CNTNAP5: variants seen among roughly 807,000 people sequenced by gnomAD.
CNTNAP5 encodes the protein contactin-associated protein-like 5.
A neutral mutation model predicts 150.2 loss-of-function variants in CNTNAP5; 72 were observed. That is an observed-to-expected ratio of 0.48 (90% CI 0.40 to 0.58). CNTNAP5 has a LOEUF of 0.58. Among genes scored for constraint, CNTNAP5 ranks in the 20% least tolerant of loss-of-function variants. The probability of loss-of-function intolerance (pLI) is 0.00; values close to 1 mark genes in which losing one functional copy is unlikely to be tolerated. For synonymous variants in CNTNAP5, 672 were observed against 619.8 expected (o/e 1.08, Z -1.25); for missense variants, 1,636 against 1,626.2 (o/e 1.01, Z -0.10).
chr2:124,092,400 C>T (rs1488977527), intron 1 of CNTNAP5, among the ~76,000 whole-genome samples: 4 of 152,182 alleles, frequency 2.6e-5, no homozygotes, highest in Non-Finnish European at 5.9e-5. Flanking sequence ...TTTCCTCCTC[C>T]ACCTTTAAAA....
intron 6 of CNTNAP5, among the ~76,000 whole-genome samples, chr2:124,451,656 C>T (rs1219371861): frequency 6.6e-6 from 1 of 152,004 alleles, no homozygotes; most frequent in African/African-American, 2.4e-5. Context: ...ACACACAGAC[C>T]CTCCAAAAGA....
rs535364522 is a variant in CNTNAP5, at chr2:124,451,798, G to A, written c.918+4861G>A. ...AACACAAACCCCCACTGGGGAACCCGAAGGTCTAGATTACGGGAGAAGATT... is the reference window on the plus strand; with the variant it reads ...AACACAAACCCCCACTGGGGAACCCAAAGGTCTAGATTACGGGAGAAGATT... On this transcript the variant is annotated intron_variant, in intron 6 of 23. Coordinates refer to ENST00000682447, the MANE Select transcript of CNTNAP5 (RefSeq NM_001367498.1). Among the ~76,000 whole-genome samples, 12 of 152,236 alleles carry A rather than the reference G, an allele frequency of 7.9e-5. No individual in the cohort carries two copies. The South Asian group carries it at 8.3e-4, about 11-fold the overall frequency.
chr2:124,895,353 T>C (rs994176572), intron 21 of CNTNAP5, among the ~76,000 whole-genome samples: 2 of 151,506 alleles, frequency 1.3e-5, no homozygotes, highest in African/African-American at 4.9e-5. Context: ...ACACCAGGTA[T>C]GGTGGCTCAC....
At chr2:124,645,483 G>A (rs113081001) in intron 12 of CNTNAP5, among the ~76,000 whole-genome samples, 4,005 of 152,196 alleles carry the variant, frequency 0.026, 113 homozygotes, top group Non-Finnish European at 0.039. Flanking sequence ...CAGGAGGATC[G>A]CTTGAGCCCA....
chr2:124,554,643 A>T (rs972314868), intron 10 of CNTNAP5, among the ~76,000 whole-genome samples: 2 of 152,044 alleles, frequency 1.3e-5, no homozygotes, highest in Non-Finnish European at 2.9e-5. Context: ...ACTTATCTTG[A>T]ACACCTGACC....
chr2:124,662,576 G>A (rs555504236), intron 13 of CNTNAP5, among the ~76,000 whole-genome samples: 215 of 152,308 alleles, frequency 1.4e-3, no homozygotes, highest in Non-Finnish European at 2.7e-3. Context: ...ACACTTAGAG[G>A]TGAAGTAAAT....
At chr2:124,078,313 T>C (rs914253985) in intron 1 of CNTNAP5, among the ~76,000 whole-genome samples, 7 of 152,246 alleles carry the variant, frequency 4.6e-5, no homozygotes, top group African/African-American at 1.7e-4. Context: ...TATTTTGTTA[T>C]GCACTTGTAA....
chr2:124,744,794 T>C (rs1680570239), intron 13 of CNTNAP5, among the ~76,000 whole-genome samples: 1 of 152,200 alleles, frequency 6.6e-6, no homozygotes, highest in South Asian at 2.1e-4. Context: ...CATCAAGACT[T>C]GAGGCGAGTC....
intron 3 of CNTNAP5, among the ~76,000 whole-genome samples, chr2:124,306,017 T>G (rs1688681784): frequency 6.6e-6 from 1 of 152,190 alleles, no homozygotes; most frequent in Admixed American, 6.5e-5. Flanking sequence ...TTTCCAGTTC[T>G]TTGCACTCTT....
At chr2:124,740,504 C>A (rs1680474929) in intron 13 of CNTNAP5, among the ~76,000 whole-genome samples, 1 of 152,038 alleles carries the variant, frequency 6.6e-6, no homozygotes, top group Non-Finnish European at 1.5e-5. Flanking sequence ...CCAGGTGAAC[C>A]CAGATTGGGT....
At chr2:124,184,682 A>G (rs571272459) in intron 1 of CNTNAP5, among the ~76,000 whole-genome samples, 2 of 152,278 alleles carry the variant, frequency 1.3e-5, no homozygotes, top group Admixed American at 6.5e-5. Context: ...TATTTATTAC[A>G]TTGTGCTAAA....
At chr2:124,097,754 C>T (rs747168467) in intron 1 of CNTNAP5, among the ~76,000 whole-genome samples, 15 of 152,218 alleles carry the variant, frequency 9.9e-5, no homozygotes, top group Non-Finnish European at 1.6e-4. Context: ...TCCGGCCAGG[C>T]GCAGTGGCTC....
At chr2:124,203,920 T>A (rs1386436796) in intron 1 of CNTNAP5, among the ~76,000 whole-genome samples, 1 of 152,240 alleles carries the variant, frequency 6.6e-6, no homozygotes, top group African/African-American at 2.4e-5. Context: ...CAGTAACATT[T>A]GGCGCCTTGT....
chr2:124,409,996 C>G (rs993594962), intron 3 of CNTNAP5, among the ~76,000 whole-genome samples: 4 of 149,734 alleles, frequency 2.7e-5, no homozygotes, highest in African/African-American at 9.8e-5. Context: ...ATCTCACGTG[C>G]AGAGACACAC....
chr2:124,274,043 A>T (rs539107149), intron 3 of CNTNAP5, among the ~76,000 whole-genome samples: 1 of 152,300 alleles, frequency 6.6e-6, no homozygotes, highest in East Asian at 1.9e-4. Context: ...CAAAGAGTTG[A>T]CATCAACTTA....
intron 3 of CNTNAP5, among the ~76,000 whole-genome samples, chr2:124,358,622 A>G (rs1471805785): frequency 6.6e-6 from 1 of 152,172 alleles, no homozygotes; most frequent in Non-Finnish European, 1.5e-5. Flanking sequence ...ATTTGCATAT[A>G]TTGAACCAGC....
intron 5 of CNTNAP5, among the ~76,000 whole-genome samples, chr2:124,437,750 G>T (rs920854716): frequency 6.6e-6 from 1 of 152,064 alleles, no homozygotes; most frequent in Non-Finnish European, 1.5e-5. Flanking sequence ...TTAAAAAAAT[G>T]AATCAGAAAA....
At chr2:124,465,757 C>A (rs1253689542) in intron 6 of CNTNAP5, among the ~76,000 whole-genome samples, 1 of 152,090 alleles carries the variant, frequency 6.6e-6, no homozygotes, top group East Asian at 1.9e-4. Context: ...AAGATTCCTC[C>A]CCTCATAGTG....
chr2:124,712,126 C>T (rs1435742441), intron 13 of CNTNAP5, among the ~76,000 whole-genome samples: 4 of 152,212 alleles, frequency 2.6e-5, no homozygotes, highest in Admixed American at 6.5e-5. Context: ...AATTTAAGCA[C>T]GTTCATTAAT....
Sources: gnomAD v4.1 joint callset for allele counts (sites outside exome capture counted in the v4.1 genomes callset) on GRCh38, gnomAD v4.1.1 for gene constraint, MANE v1.5 for transcripts, NCBI Gene and HGNC (gene_info 2026-07-23, HGNC 2026-07-21) for gene names.